Variants in FUBP3 observed in about 807,000 individuals in gnomAD.
The protein encoded by FUBP3 is far upstream element binding protein 3.
A neutral mutation model predicts 85.6 loss-of-function variants in FUBP3; 28 were observed. The observed-to-expected ratio is 0.33, with a 90% confidence interval of 0.24 to 0.45. The LOEUF is 0.45. Ranked by LOEUF, FUBP3 falls within the 20% of genes least tolerant of loss-of-function variation. The probability of loss-of-function intolerance (pLI) is 1.00; values close to 1 mark genes in which losing one functional copy is unlikely to be tolerated. For missense variants in FUBP3, 583 were observed against 755.1 expected (o/e 0.77, Z 2.67); for synonymous variants, 271 against 271.4 (o/e 1.00, Z 0.01).
At position 130,637,582 on chromosome 9, in the gene FUBP3, GAGAC is replaced by G. The variant is rs1466735615; in HGVS notation, c.*564_*567del. ...TAATGAATGATGTGAATTCTGAACTGAGACAGATAATTGTATTGCTGTCCAACAG... is the reference window on the plus strand; with the variant it reads ...TAATGAATGATGTGAATTCTGAACTGAGATAATTGTATTGCTGTCCAACAG... On this transcript the variant is annotated 3_prime_UTR_variant, in exon 19 of 19. Coordinates refer to ENST00000319725, the MANE Select transcript of FUBP3 (RefSeq NM_003934.2). The G allele has an allele frequency of 6.5e-6, 1 of 153,944 alleles. No individual in the cohort carries two copies. The highest frequency in any genetic ancestry group is 6.5e-5 in the Admixed American group (1 of 15,478). The allele number at this position is 153,944 out of a possible 1,614,324, so 9.5% of individuals were successfully genotyped here.
At position 130,624,652 on chromosome 9, in the gene FUBP3, T is replaced by TG. The variant is rs57256345; in HGVS notation, c.975+941_975+942insG. The stretch of plus-strand genomic sequence containing the variant: ...GTGTGTGTGTGTGTGTGTGTGTGTG[T>TG]TTTTAAGCTCATCAGCTATCATTAA... On this transcript the variant is annotated intron_variant, in intron 11 of 18. Coordinates refer to ENST00000319725, the MANE Select transcript of FUBP3 (RefSeq NM_003934.2). Among the ~76,000 whole-genome samples, 479 of 146,466 alleles carry TG rather than the reference T, an allele frequency of 3.3e-3. 2 individuals are homozygous for TG. The highest frequency in any genetic ancestry group is 0.011 in the African/African-American group (412 of 37,774).
rs1472757119 is a variant in FUBP3, at chr9:130,622,887, C to T, written c.874+77C>T. ...TAGTGTTAAAAGGATGATAAAACACCTTACAAAACAAGGGCTTGGCTATTG... is the reference window on the plus strand; with the variant it reads ...TAGTGTTAAAAGGATGATAAAACACTTTACAAAACAAGGGCTTGGCTATTG... On this transcript the variant is annotated intron_variant, in intron 10 of 18. Coordinates refer to ENST00000319725, the MANE Select transcript of FUBP3 (RefSeq NM_003934.2). The T allele has an allele frequency of 4.6e-6, 3 of 659,320 alleles. No individual in the cohort carries two copies. In the East Asian group the frequency reaches 8.7e-5, roughly 19 times the overall value. 40.8% of individuals were successfully genotyped at this position (659,320 alleles called of 1,614,324 possible). A position where few individuals can be genotyped will look rare whatever the true frequency, so the allele number is the denominator to read the frequency against.
At chr9:130,625,174 A>G (rs1042203543) in intron 11 of FUBP3, among the ~76,000 whole-genome samples, 5 of 152,244 alleles carry the variant, frequency 3.3e-5, no homozygotes, top group African/African-American at 4.8e-5. Context: ...CTGCCATTGC[A>G]TTCCCGCCTG....
intron 1 of FUBP3, among the ~76,000 whole-genome samples, chr9:130,585,016 C>T (rs966706841): frequency 1.3e-5 from 2 of 151,846 alleles, no homozygotes; most frequent in African/African-American, 4.8e-5. Context: ...AAAAATGAGT[C>T]AGGTGTGGTG....
intron 12 of FUBP3, among the ~76,000 whole-genome samples, chr9:130,627,918 AGTTG>A (rs2119114953): frequency 6.6e-6 from 1 of 152,272 alleles, no homozygotes; most frequent in Non-Finnish European, 1.5e-5. Flanking sequence ...AGCCCCTCGT[AGTTG>A]GTCCTCCACA....
intron 3 of FUBP3, among the ~76,000 whole-genome samples, chr9:130,610,199 G>T (rs1198568183): frequency 6.6e-6 from 1 of 152,186 alleles, no homozygotes; most frequent in Non-Finnish European, 1.5e-5. Flanking sequence ...AGCCATTATT[G>T]CAGTAACTTA....
chr9:130,625,894 G>A (rs1223968253), intron 11 of FUBP3, among the ~76,000 whole-genome samples: 3 of 152,178 alleles, frequency 2.0e-5, no homozygotes, highest in African/African-American at 4.8e-5. Flanking sequence ...GCTGACTGGA[G>A]TGCCAGGTGT....
chr9:130,595,215 A>C (rs1265601410), intron 1 of FUBP3, among the ~76,000 whole-genome samples: 2 of 135,122 alleles, frequency 1.5e-5, no homozygotes, highest in African/African-American at 5.9e-5. Flanking sequence ...AACAAGAGCG[A>C]AACTCCGTCT....
intron 3 of FUBP3, among the ~76,000 whole-genome samples, chr9:130,610,207 TTA>T (rs1831668568): frequency 6.6e-6 from 1 of 152,244 alleles, no homozygotes; most frequent in Non-Finnish European, 1.5e-5. Flanking sequence ...TTGCAGTAAC[TTA>T]AAATACTTGT....
chr9:130,625,479 A>G (rs1013400137), intron 11 of FUBP3, among the ~76,000 whole-genome samples: 3 of 152,242 alleles, frequency 2.0e-5, no homozygotes, highest in African/African-American at 7.2e-5. Context: ...GTTTTGCCCA[A>G]CATTTCTTCA....
At chr9:130,610,106 C>A in intron 3 of FUBP3, 119 bp downstream of exon 3, 1 of 821,148 alleles carries the variant, frequency 1.2e-6, no homozygotes, top group Non-Finnish European at 2.0e-6. Context: ...ATGGGTTAGG[C>A]TTCTTTAAGA....
chr9:130,609,520 G>C (rs911966625), intron 2 of FUBP3, among the ~76,000 whole-genome samples: 1 of 152,244 alleles, frequency 6.6e-6, no homozygotes, highest in Non-Finnish European at 1.5e-5. Flanking sequence ...TGTTCCTCAT[G>C]ACTACAGCTG....
At chr9:130,585,928 T>C (rs1443095503) in intron 1 of FUBP3, among the ~76,000 whole-genome samples, 1 of 152,266 alleles carries the variant, frequency 6.6e-6, no homozygotes, top group South Asian at 2.1e-4. Flanking sequence ...TTTATTCTGA[T>C]AACTTTATCT....
At chr9:130,634,594 C>G (rs936999766) in intron 16 of FUBP3, 73 bp from the exon 17 acceptor site, 48 of 1,236,216 alleles carry the variant, frequency 3.9e-5, no homozygotes, top group Middle Eastern at 5.1e-4. Flanking sequence ...AGGGCAGGGC[C>G]TGCAGCTGGC....
chr9:130,610,906 G>T (rs930589484), intron 3 of FUBP3, among the ~76,000 whole-genome samples: 5 of 152,088 alleles, frequency 3.3e-5, no homozygotes, highest in Non-Finnish European at 5.9e-5. Flanking sequence ...ATTTAAATGA[G>T]GTGATCGTTA....
At chr9:130,608,211 C>T (rs1010956484) in intron 2 of FUBP3, among the ~76,000 whole-genome samples, 1 of 152,192 alleles carries the variant, frequency 6.6e-6, no homozygotes, top group Non-Finnish European at 1.5e-5. Flanking sequence ...CCAGAACCCA[C>T]GGTGCGGCCT....
intron 2 of FUBP3, among the ~76,000 whole-genome samples, chr9:130,598,168 A>C (rs531408744): frequency 2.6e-5 from 4 of 152,338 alleles, no homozygotes; most frequent in African/African-American, 9.6e-5. Context: ...CAATACTGAT[A>C]ATCTCTTTAT....
In FUBP3 at chr9:130,594,102, A is replaced by G. The variant is rs541847514; in HGVS notation, c.85-1381A>G. ...GATCACACATCAGTTTATAGACATT[A>G]AAGTTTATAGGATGGGTGTATTCCT... On this transcript the variant is annotated intron_variant, in intron 1 of 18. Coordinates refer to ENST00000319725, the MANE Select transcript of FUBP3 (RefSeq NM_003934.2). 3.3e-5 allele frequency among the ~76,000 whole-genome samples: 5 copies of G among 152,268 alleles called. 1 individual carries two copies. The East Asian group carries it at 9.7e-4, about 29-fold the overall frequency.
In FUBP3 at chr9:130,626,496, A is replaced by G; in HGVS notation, c.1108A>G (p.Ile370Val). The G allele has an allele frequency of 6.2e-7, 1 of 1,614,110 alleles. No homozygotes were observed. The highest frequency in any genetic ancestry group is 8.5e-7 in the Non-Finnish European group (1 of 1,179,980). Reference sequence around the variant, plus strand: ...GCCAGCCGATAAGTGTGGCCTCGTCATAGGCAAAGGTAAGAGGCAGCTGGG... The same window carrying G: ...GCCAGCCGATAAGTGTGGCCTCGTCGTAGGCAAAGGTAAGAGGCAGCTGGG... ...TVPADKCGLV[I>V]GKGGENIKSI... The change falls in exon 12 of 19, where the codon ATA becomes GTA. Residue 370 changes from isoleucine to valine, a missense_variant. By Grantham distance (29) the Ile-to-Val change is conservative (BLOSUM62 3). This residue lies in a region of FUBP3 where 404 missense variants were observed against 516.8 expected (regional missense o/e 0.78). Transcript: ENST00000319725.
Sources: allele counts gnomAD v4.1 joint callset (sites outside exome capture counted in the v4.1 genomes callset), GRCh38; gene constraint gnomAD v4.1.1; regional missense constraint gnomAD v4.1.1; transcripts MANE v1.5; gene names NCBI Gene and HGNC (gene_info 2026-07-23, HGNC 2026-07-21).